Variants in PCDHGA1 observed in about 807,000 individuals in gnomAD.
PCDHGA1 encodes protocadherin gamma-A1.
In PCDHGA1, 32 loss-of-function variants were observed where a neutral mutation model predicts 58.0. That is an observed-to-expected ratio of 0.55 (90% CI 0.42 to 0.74). The LOEUF (loss-of-function observed/expected upper bound fraction) is 0.74, where lower values mean the gene tolerates loss of function less well. Among genes scored for constraint, PCDHGA1 ranks in the 30% least tolerant of loss-of-function variants. The pLI, the probability that PCDHGA1 is intolerant of heterozygous loss-of-function variation, is 0.00. For synonymous variants in PCDHGA1, 498 were observed against 501.1 expected (o/e 0.99, Z 0.08); for missense variants, 1,205 against 1,182.3 (o/e 1.02, Z -0.28).
In PCDHGA1 at chr5:141,432,167, T is replaced by G. The variant is rs559707772; in HGVS notation, c.2422-62640T>G. The G allele has an allele frequency of 1.4e-5, 22 of 1,613,962 alleles. No homozygotes were observed. The highest frequency in any genetic ancestry group is 9.3e-5 in the African/African-American group (7 of 74,972). On this transcript the variant is annotated intron_variant, in intron 1 of 3. Coordinates refer to ENST00000517417, the MANE Select transcript of PCDHGA1 (RefSeq NM_018912.3). The surrounding 1 kb of genome is among the most constrained non-coding windows in gnomAD (Gnocchi z 6.0). Reference sequence around the variant, plus strand: ...CCCAGAGAACAATCCCAGAGGAGTTTCCCTCGTCTCTGTGACCGCCCACGA... The same window carrying G: ...CCCAGAGAACAATCCCAGAGGAGTTGCCCTCGTCTCTGTGACCGCCCACGA...
rs1386791249 is a variant in PCDHGA1 at position 141,511,417 on chromosome 5, G to A, written c.*244G>A. 1.2e-6 allele frequency: 1 copy of A among 835,942 alleles called. No homozygotes were observed. Among genetic ancestry groups the A allele is most frequent in the African/African-American group, 1.7e-5 (1 of 58,154 alleles). The allele number at this position is 835,942 out of a possible 1,614,324, so 51.8% of individuals were successfully genotyped here. A position where few individuals can be genotyped will look rare whatever the true frequency, so the allele number is the denominator to read the frequency against. The stretch of plus-strand genomic sequence containing the variant: ...CCATCCAATCAACTGCTGTACCCAT[G>A]GGGGTAGTGGGGTTACTGTAGACAC... On this transcript the variant is annotated 3_prime_UTR_variant, in exon 4 of 4. Transcript: ENST00000517417.
rs1186240180 is a variant in PCDHGA1, at chr5:141,432,270, A to T, written c.2422-62537A>T. On this transcript the variant is annotated intron_variant, in intron 1 of 3. Transcript: ENST00000517417. The surrounding 1 kb of genome is among the most constrained non-coding windows in gnomAD (Gnocchi z 6.0). ...ATCCAAGGGGCAAGCCTATCGTCCT[A>T]CGTGTCCATCAACTCCGACACTGGG... 1 of 1,614,024 alleles carries T rather than the reference A, an allele frequency of 6.2e-7. No homozygotes were observed. The highest frequency in any genetic ancestry group is 8.5e-7 in the Non-Finnish European group (1 of 1,180,028).
rs756993242 is a variant in PCDHGA1 at position 141,432,265 on chromosome 5, G to T, written c.2422-62542G>T. 2.5e-6 allele frequency: 4 copies of T among 1,614,210 alleles called. No homozygotes were observed. The South Asian group carries it at 3.3e-5, about 13-fold the overall frequency. ...ACACCATCCAAGGGGCAAGCCTATC[G>T]TCCTACGTGTCCATCAACTCCGACA... On this transcript the variant is annotated intron_variant, in intron 1 of 3. Coordinates refer to ENST00000517417, the MANE Select transcript of PCDHGA1 (RefSeq NM_018912.3). This position sits in a 1 kb window ranked among gnomAD's most constrained non-coding sequence, Gnocchi z 6.0.
chr5:141,389,001 G>T (rs1313177903), intron 1 of PCDHGA1: 1 of 1,614,018 alleles, frequency 6.2e-7, no homozygotes, highest in Non-Finnish European at 8.5e-7. Context: ...CCGTGACAAG[G>T]ATTCCAGACA....
chr5:141,410,849 CTTTTTTTTT>C (rs759346998), intron 1 of PCDHGA1: 2 of 136,714 alleles, frequency 1.5e-5, no homozygotes, highest in African/African-American at 6.3e-5. Context: ...TTGTCTTTGT[CTTTTTTTTT>C]TTTTTTTTTT....
intron 1 of PCDHGA1, chr5:141,423,565 C>G: frequency 1.2e-6 from 2 of 1,613,594 alleles, no homozygotes; most frequent in Non-Finnish European, 1.7e-6. Context: ...TGGGGACACG[C>G]TCATCAGCCA....
At chr5:141,345,764 G>T (rs770178324) in intron 1 of PCDHGA1, 6 of 1,614,190 alleles carry the variant, frequency 3.7e-6, no homozygotes, top group Non-Finnish European at 5.1e-6. Flanking sequence ...GCGTGGAGCT[G>T]GCGCCTCGCT....
chr5:141,366,572 G>T (rs1454034279), intron 1 of PCDHGA1: 1 of 1,614,148 alleles, frequency 6.2e-7, no homozygotes, highest in African/African-American at 1.3e-5. Flanking sequence ...TGGGGTTCGG[G>T]CTTTCCTGCA....
intron 1 of PCDHGA1, among the ~76,000 whole-genome samples, chr5:141,442,888 GCTTATCA>G (rs776180931): frequency 8.5e-5 from 13 of 152,204 alleles, no homozygotes; most frequent in Non-Finnish European, 1.8e-4. Flanking sequence ...CAGAATCCCT[GCTTATCA>G]CTTCTCCTTC....
chr5:141,353,416 C>T (rs1048151831), intron 1 of PCDHGA1, among the ~76,000 whole-genome samples: 1 of 152,076 alleles, frequency 6.6e-6, no homozygotes, highest in African/African-American at 2.4e-5. Flanking sequence ...TCATCAATTA[C>T]ATTCTAGTTT....
At chr5:141,421,407 G>T in intron 1 of PCDHGA1, 1 of 1,614,076 alleles carries the variant, frequency 6.2e-7, no homozygotes. Flanking sequence ...CCCGGGAGCT[G>T]GCGAAGCGCG....
chr5:141,343,787 G>GT, intron 1 of PCDHGA1: 1 of 429,728 alleles, frequency 2.3e-6, no homozygotes, highest in South Asian at 5.6e-5. Flanking sequence ...TAGTGTCGCT[G>GT]TTGACCACTC....
At chr5:141,337,243 A>G (rs971890785) in intron 1 of PCDHGA1, among the ~76,000 whole-genome samples, 12 of 152,228 alleles carry the variant, frequency 7.9e-5, no homozygotes, top group Non-Finnish European at 4.4e-5. Context: ...ACATAGAATT[A>G]CCATATAATC....
chr5:141,413,032 C>A, intron 1 of PCDHGA1: 1 of 766,948 alleles, frequency 1.3e-6, no homozygotes, highest in Non-Finnish European at 2.0e-6. Context: ...CACAAACCGG[C>A]TGCTGGGCTG....
intron 3 of PCDHGA1, 69 bp from the exon 4 acceptor site, chr5:141,510,878 G>A (rs896348248): frequency 6.2e-7 from 1 of 1,610,438 alleles, no homozygotes; most frequent in African/African-American, 1.3e-5. Context: ...TTAACTGCTG[G>A]GGATATAAGA....
rs542839794 is a variant in PCDHGA1 at position 141,342,808 on chromosome 5, G to A, written c.2421+9703G>A. 26 of 152,266 alleles carry A rather than the reference G, an allele frequency of 1.7e-4. 1 individual carries two copies. The highest frequency in any genetic ancestry group is 3.9e-4 in the Admixed American group (6 of 15,292). The allele number at this position is 152,266 out of a possible 1,614,324, so 9.4% of individuals were successfully genotyped here. The stretch of plus-strand genomic sequence containing the variant: ...TATATTTCTGTGCTTGGAAACTTAT[G>A]GGGAAAGAGATTCTGGAACATAAAA... On this transcript the variant is annotated intron_variant, in intron 1 of 3. Coordinates refer to ENST00000517417, the MANE Select transcript of PCDHGA1 (RefSeq NM_018912.3).
At chr5:141,403,701 A>C in intron 1 of PCDHGA1, 2 of 1,613,934 alleles carry the variant, frequency 1.2e-6, no homozygotes, top group South Asian at 2.2e-5. Flanking sequence ...TACCGAGTTA[A>C]AGTCCTTGAG....
At chr5:141,469,836 T>C (rs2099212875) in intron 1 of PCDHGA1, among the ~76,000 whole-genome samples, 1 of 152,064 alleles carries the variant, frequency 6.6e-6, no homozygotes, top group South Asian at 2.1e-4. Flanking sequence ...ATAAAACTTA[T>C]TCTTAAGATT....
chr5:141,392,745 G>A, intron 1 of PCDHGA1: 1 of 1,441,296 alleles, frequency 6.9e-7, no homozygotes, highest in African/African-American at 1.4e-5. Flanking sequence ...CCATAGCTGC[G>A]GCAAGAAACT....
Sources: gnomAD v4.1 joint callset for allele counts (sites outside exome capture counted in the v4.1 genomes callset) on GRCh38, gnomAD v4.1.1 for gene constraint, Gnocchi (gnomAD v3.1) non-coding constraint, MANE v1.5 for transcripts, NCBI Gene and HGNC (gene_info 2026-07-23, HGNC 2026-07-21) for gene names.